Variants in AGBL4 observed in about 807,000 individuals in gnomAD.
AGBL4 encodes cytosolic carboxypeptidase 6.
Under a neutral mutation model 66.4 loss-of-function variants are expected in AGBL4, and 58 were observed. The observed-to-expected ratio is 0.87, with a 90% confidence interval of 0.71 to 1.09. The LOEUF (loss-of-function observed/expected upper bound fraction) is 1.09. AGBL4 is among the 50% of genes least tolerant of loss of function. The probability of loss-of-function intolerance (pLI) is 0.00; values close to 1 mark genes in which losing one functional copy is unlikely to be tolerated. For missense variants in AGBL4, 579 were observed against 631.0 expected (o/e 0.92, Z 0.88); for synonymous variants, 234 against 222.9 (o/e 1.05, Z -0.44).
At chr1:49,336,583 A>G (rs1645441497) in intron 3 of AGBL4, among the ~76,000 whole-genome samples, 1 of 152,214 alleles carries the variant, frequency 6.6e-6, no homozygotes, top group Non-Finnish European at 1.5e-5. Flanking sequence ...TTCTCTGCTT[A>G]CAATTATAAT....
At chr1:49,315,942 C>T (rs372968465) in intron 3 of AGBL4, among the ~76,000 whole-genome samples, 3 of 151,950 alleles carry the variant, frequency 2.0e-5, no homozygotes, top group Admixed American at 6.6e-5. Context: ...CAAAGAAGAG[C>T]GCTATCAAGC....
intron 4 of AGBL4, among the ~76,000 whole-genome samples, chr1:49,128,345 C>G (rs1167242379): frequency 6.6e-6 from 1 of 151,952 alleles, no homozygotes; most frequent in Non-Finnish European, 1.5e-5. Context: ...AATATAATCC[C>G]AATTGATAAA....
At chr1:48,984,465 A>C (rs1660015466) in intron 5 of AGBL4, among the ~76,000 whole-genome samples, 2 of 149,534 alleles carry the variant, frequency 1.3e-5, no homozygotes, top group South Asian at 4.4e-4. Context: ...TTAAAAAAAA[A>C]ATCTGCCTGA....
chr1:49,111,452 C>G (rs1645410119), intron 4 of AGBL4, among the ~76,000 whole-genome samples: 1 of 152,178 alleles, frequency 6.6e-6, no homozygotes, highest in African/African-American at 2.4e-5. Flanking sequence ...CCACTAGAGG[C>G]TTTCAGCCAT....
chr1:49,011,667 G>A (rs537532822), intron 5 of AGBL4, among the ~76,000 whole-genome samples: 2 of 152,248 alleles, frequency 1.3e-5, no homozygotes, highest in African/African-American at 4.8e-5. Flanking sequence ...TTAAGAAAAT[G>A]TGGCACATGT....
intron 3 of AGBL4, among the ~76,000 whole-genome samples, chr1:49,275,327 C>A (rs1250962241): frequency 6.6e-6 from 1 of 152,034 alleles, no homozygotes; most frequent in East Asian, 1.9e-4. Flanking sequence ...GATTTTGGGG[C>A]CTCAAAAAGA....
At chr1:48,920,511 C>A (rs1653989264) in intron 5 of AGBL4, among the ~76,000 whole-genome samples, 1 of 152,184 alleles carries the variant, frequency 6.6e-6, no homozygotes, top group Non-Finnish European at 1.5e-5. Flanking sequence ...GATTCACCTT[C>A]ATATGCAGCT....
intron 5 of AGBL4, among the ~76,000 whole-genome samples, chr1:48,909,944 T>G (rs183804956): frequency 7.4e-4 from 113 of 152,322 alleles, no homozygotes; most frequent in Non-Finnish European, 4.7e-4. Context: ...ATCCTCTTGC[T>G]TTTCCATAAA....
At chr1:48,984,705 T>C (rs1385202105) in intron 5 of AGBL4, among the ~76,000 whole-genome samples, 1 of 151,816 alleles carries the variant, frequency 6.6e-6, no homozygotes, top group Admixed American at 6.6e-5. Flanking sequence ...ATTTGAGACA[T>C]GCAGAAACAA....
chr1:49,488,513 A>G (rs1189016865), intron 3 of AGBL4, among the ~76,000 whole-genome samples: 1 of 151,696 alleles, frequency 6.6e-6, no homozygotes, highest in Non-Finnish European at 1.5e-5. Flanking sequence ...GTTATCCATC[A>G]CCTCAAGCAT....
intron 2 of AGBL4, among the ~76,000 whole-genome samples, chr1:49,739,465 A>G (rs1650221635): frequency 6.6e-6 from 1 of 152,236 alleles, no homozygotes; most frequent in Non-Finnish European, 1.5e-5. Flanking sequence ...AATGGAAACA[A>G]GTTGGAAAAC....
intron 11 of AGBL4, among the ~76,000 whole-genome samples, chr1:48,551,612 GAGAC>G (rs1156736408): frequency 3.3e-5 from 5 of 152,234 alleles, no homozygotes; most frequent in Middle Eastern, 3.4e-3. Context: ...AAAGAACAGA[GAGAC>G]AGAGACGGGG....
chr1:49,791,016 G>A (rs1644586281), intron 2 of AGBL4, among the ~76,000 whole-genome samples: 2 of 152,116 alleles, frequency 1.3e-5, no homozygotes, highest in African/African-American at 4.8e-5. Flanking sequence ...CAGGAAAATG[G>A]AATTAGACTG....
chr1:49,368,722 C>T, intron 3 of AGBL4, among the ~76,000 whole-genome samples: 1 of 152,222 alleles, frequency 6.6e-6, no homozygotes, highest in East Asian at 1.9e-4. Context: ...TTTTATGTTG[C>T]TATGCATTGG....
chr1:49,192,240 C>T (rs1570008212), intron 4 of AGBL4, among the ~76,000 whole-genome samples: 1 of 152,022 alleles, frequency 6.6e-6, no homozygotes, highest in African/African-American at 2.4e-5. Flanking sequence ...AATTTGCTTA[C>T]ATGTTTTATA....
intron 3 of AGBL4, among the ~76,000 whole-genome samples, chr1:49,423,688 T>A (rs754702206): frequency 2.0e-5 from 3 of 151,764 alleles, no homozygotes; most frequent in African/African-American, 4.8e-5. Flanking sequence ...GGTACACACC[T>A]GTAGTCCCAG....
chr1:48,821,535 T>C (rs1295527343), intron 6 of AGBL4, among the ~76,000 whole-genome samples: 1 of 152,062 alleles, frequency 6.6e-6, no homozygotes, highest in Admixed American at 6.6e-5. Flanking sequence ...AAATGGGAGC[T>C]AAACAATGGA....
intron 8 of AGBL4, among the ~76,000 whole-genome samples, chr1:48,652,013 G>A (rs965015256): frequency 2.0e-5 from 3 of 152,178 alleles, no homozygotes; most frequent in Non-Finnish European, 4.4e-5. Flanking sequence ...TAAGTACAGT[G>A]GAGGACATGC....
intron 3 of AGBL4, among the ~76,000 whole-genome samples, chr1:49,278,405 T>G (rs1374904596): frequency 6.6e-6 from 1 of 152,174 alleles, no homozygotes; most frequent in Non-Finnish European, 1.5e-5. Flanking sequence ...GAGCAGCACT[T>G]GTTCATAAGA....
Sources: allele counts gnomAD v4.1 joint callset (sites outside exome capture counted in the v4.1 genomes callset), GRCh38; gene constraint gnomAD v4.1.1; transcripts MANE v1.5; gene names NCBI Gene and HGNC (gene_info 2026-07-23, HGNC 2026-07-21).